The following CALN1 variants were observed in gnomAD, a reference collection of about 807,000 sequenced individuals.
CALN1 encodes calcium-binding protein 8.
A neutral mutation model predicts 30.6 loss-of-function variants in CALN1; 17 were observed. The ratio of observed to expected loss-of-function variants is 0.56; its 90% CI spans 0.38 to 0.83. The LOEUF (loss-of-function observed/expected upper bound fraction) is 0.83. Among genes scored for constraint, CALN1 ranks in the 40% least tolerant of loss-of-function variants. The pLI, the probability that CALN1 is intolerant of heterozygous loss-of-function variation, is 0.00. For synonymous variants in CALN1, 156 were observed against 131.4 expected (o/e 1.19, Z -1.28); for missense variants, 291 against 354.9 (o/e 0.82, Z 1.45).
chr7:72,054,538 TATATAC>T (rs1486280107), intron 4 of CALN1, among the ~76,000 whole-genome samples: 8 of 124,674 alleles, frequency 6.4e-5, no homozygotes, highest in African/African-American at 2.2e-4. Context: ...CATACATATA[TATATAC>T]ATATATATAT....
intron 3 of CALN1, among the ~76,000 whole-genome samples, chr7:72,215,593 CAAAAAAAAAA>C (rs35459723): frequency 1.3e-5 from 1 of 76,950 alleles, no homozygotes; most frequent in Non-Finnish European, 3.1e-5. Context: ...AACTCCTGCT[CAAAAAAAAAA>C]AAAAAAAAGG....
rs887916744 is a variant in CALN1, at chr7:72,403,231, T to C, written c.119+20A>G. On this transcript the variant is annotated intron_variant, in intron 2 of 6. Transcript: ENST00000395275. Reference sequence around the variant, plus strand: ...CTGCCAAACAATCTAGGTCCTTGGGTTTGGGGGAAGAAGACTTGCCAGGTG... The same window carrying C: ...CTGCCAAACAATCTAGGTCCTTGGGCTTGGGGGAAGAAGACTTGCCAGGTG... The C allele has an allele frequency of 7.8e-6, 12 of 1,541,340 alleles. No individual in the cohort carries two copies. The African/African-American group carries it at 1.2e-4, about 16-fold the overall frequency.
chr7:71,831,257 G>A (rs957599919), intron 5 of CALN1, among the ~76,000 whole-genome samples: 1 of 152,186 alleles, frequency 6.6e-6, no homozygotes, highest in Non-Finnish European at 1.5e-5. Context: ...GAGGCAGGTG[G>A]ATCATGAGAT....
Position 72,243,920 on chromosome 7 carries a change from T to C in CALN1, c.244+34766A>G, listed in dbSNP as rs987730213. Among the ~76,000 whole-genome samples, 4 of 152,320 alleles carry C rather than the reference T, an allele frequency of 2.6e-5. No individual in the cohort carries two copies. In the South Asian group the frequency reaches 6.2e-4, roughly 24 times the overall value. ...TTCCTTCTTTTTAGTTTTTATTTGC[T>C]AGCTCAAGGTCACCATGAATGCCGA... is the stretch of plus-strand genomic sequence containing the variant. On this transcript the variant is annotated intron_variant, in intron 3 of 6. Transcript: ENST00000395275.
chr7:72,361,972 T>A (rs1373212732), intron 2 of CALN1, among the ~76,000 whole-genome samples: 1 of 152,148 alleles, frequency 6.6e-6, no homozygotes, highest in Non-Finnish European at 1.5e-5. Context: ...TTATTCATAA[T>A]TTTTTTAATG....
intron 5 of CALN1, among the ~76,000 whole-genome samples, chr7:71,969,548 G>A (rs1403094417): frequency 6.6e-6 from 1 of 152,012 alleles, no homozygotes; most frequent in East Asian, 1.9e-4. Flanking sequence ...AATTCATTAA[G>A]GCTTACTATC....
intron 2 of CALN1, among the ~76,000 whole-genome samples, chr7:72,331,741 G>A (rs909928364): frequency 6.6e-6 from 1 of 152,060 alleles, no homozygotes; most frequent in Non-Finnish European, 1.5e-5. Flanking sequence ...AGGATGTGCA[G>A]GTTTGTTACA....
At chr7:72,137,737 T>C (rs1302852681) in intron 3 of CALN1, among the ~76,000 whole-genome samples, 1 of 152,192 alleles carries the variant, frequency 6.6e-6, no homozygotes, top group Non-Finnish European at 1.5e-5. Flanking sequence ...CTTATTCTGA[T>C]GGTTATAGTA....
intron 5 of CALN1, among the ~76,000 whole-genome samples, chr7:71,971,074 G>A (rs1797770594): frequency 6.6e-6 from 1 of 152,158 alleles, no homozygotes; most frequent in Non-Finnish European, 1.5e-5. Flanking sequence ...AGAATTACAG[G>A]CACACAGCCA....
At chr7:72,486,432 CATA>C in the CALN1 span, among the ~76,000 whole-genome samples, 4 of 151,890 alleles carry the variant, frequency 2.6e-5, no homozygotes, top group Non-Finnish European at 5.9e-5. Flanking sequence ...AGTACAGTGG[CATA>C]ATATCAGCTC....
chr7:71,980,607 C>T lies in CALN1; in HGVS notation c.501+43050G>A, dbSNP rs557406862. ...AGTAACTCAGGATCTAGCAGCAGTA[C>T]ACCAGTCCAGTGGGCGATAGAAGGG... On this transcript the variant is annotated intron_variant, in intron 5 of 6. Coordinates refer to ENST00000395275, the MANE Select transcript of CALN1 (RefSeq NM_031468.4). Among the ~76,000 whole-genome samples the T allele has an allele frequency of 8.5e-5, 13 of 152,310 alleles. 2 individuals are homozygous for T. The South Asian group carries it at 2.3e-3, about 27-fold the overall frequency.
chr7:71,830,174 G>A (rs576636968), intron 5 of CALN1, among the ~76,000 whole-genome samples: 1 of 151,756 alleles, frequency 6.6e-6, no homozygotes, highest in Non-Finnish European at 1.5e-5. Flanking sequence ...CTCCCGAATA[G>A]CTGGGATTAC....
chr7:71,805,518 A>G (rs1170337036), intron 6 of CALN1, among the ~76,000 whole-genome samples: 2 of 152,198 alleles, frequency 1.3e-5, no homozygotes, highest in Non-Finnish European at 2.9e-5. Context: ...CTTGGGATGG[A>G]GGGAGCAGAC....
At chr7:71,858,837 A>G (rs752462757) in intron 5 of CALN1, among the ~76,000 whole-genome samples, 6 of 152,172 alleles carry the variant, frequency 3.9e-5, no homozygotes, top group African/African-American at 9.6e-5. Context: ...CCTAAAATGT[A>G]TAAAACCAAG....
At chr7:72,066,043 C>CA (rs1202824836) in intron 4 of CALN1, among the ~76,000 whole-genome samples, 1 of 152,262 alleles carries the variant, frequency 6.6e-6, no homozygotes, top group Non-Finnish European at 1.5e-5. Flanking sequence ...CATCCAAGCT[C>CA]AAGTCTGTCA....
At chr7:72,494,397 C>T in the CALN1 span, among the ~76,000 whole-genome samples, 1 of 152,230 alleles carries the variant, frequency 6.6e-6, no homozygotes, top group Non-Finnish European at 1.5e-5. Flanking sequence ...TCAAAGAACA[C>T]TTAAAGGGCA....
chr7:72,028,111 C>T (rs1287714917), intron 4 of CALN1, among the ~76,000 whole-genome samples: 1 of 150,994 alleles, frequency 6.6e-6, no homozygotes, highest in Non-Finnish European at 1.5e-5. Flanking sequence ...CTAAGATATG[C>T]CCACCAGGCT....
chr7:72,368,046 G>C (rs147553686), intron 2 of CALN1, among the ~76,000 whole-genome samples: 87 of 151,852 alleles, frequency 5.7e-4, no homozygotes, highest in African/African-American at 1.7e-3. Flanking sequence ...GCATGAACCC[G>C]GGAGGCAGAG....
In CALN1 at chr7:72,121,498, A is replaced by G. The variant is rs370545721; in HGVS notation, c.245-15204T>C. On this transcript the variant is annotated intron_variant, in intron 3 of 6. Coordinates refer to ENST00000395275, the MANE Select transcript of CALN1 (RefSeq NM_031468.4). ...TATATAATTATGTTATTTATAATAT[A>G]TAAAAATCAAAAATCAACACGGACA... Among the ~76,000 whole-genome samples, 4 of 147,846 alleles carry G rather than the reference A, an allele frequency of 2.7e-5. No homozygotes were observed. The South Asian group carries it at 8.4e-4, about 31-fold the overall frequency.
Sources: allele counts gnomAD v4.1 joint callset (sites outside exome capture counted in the v4.1 genomes callset), GRCh38; gene constraint gnomAD v4.1.1; transcripts MANE v1.5; gene names NCBI Gene and HGNC (gene_info 2026-07-23, HGNC 2026-07-21).